The following MACROD2 variants were observed in gnomAD, a reference collection of about 807,000 sequenced individuals.
MACROD2 encodes the protein ADP-ribose glycohydrolase MACROD2.
Under a neutral mutation model 70.4 loss-of-function variants are expected in MACROD2, and 36 were observed. That is an observed-to-expected ratio of 0.51 (90% CI 0.39 to 0.68). MACROD2 has a LOEUF of 0.68. Ranked by LOEUF, MACROD2 falls within the 30% of genes least tolerant of loss-of-function variation. The probability of loss-of-function intolerance (pLI) is 0.00; values close to 1 mark genes in which losing one functional copy is unlikely to be tolerated. For synonymous variants in MACROD2, 172 were observed against 178.8 expected (o/e 0.96, Z 0.30); for missense variants, 496 against 538.4 (o/e 0.92, Z 0.78).
At chr20:14,417,867 A>G (rs2083828830) in intron 3 of MACROD2, among the ~76,000 whole-genome samples, 1 of 152,230 alleles carries the variant, frequency 6.6e-6, no homozygotes, top group East Asian at 1.9e-4. Flanking sequence ...AATACATTGT[A>G]TGGTAACACT....
chr20:15,383,510 A>G (rs575415827), intron 6 of MACROD2, among the ~76,000 whole-genome samples: 90 of 152,332 alleles, frequency 5.9e-4, no homozygotes, highest in Middle Eastern at 3.4e-3. Context: ...GCTTCCCAGT[A>G]GGAGTTTTAA....
chr20:14,610,824 G>A (rs756244621), intron 4 of MACROD2, among the ~76,000 whole-genome samples: 77 of 151,926 alleles, frequency 5.1e-4, no homozygotes, highest in Non-Finnish European at 7.2e-4. Flanking sequence ...GCAAATGTAA[G>A]GTATTTTTAT....
chr20:15,912,738 C>A (rs6080020), intron 10 of MACROD2, among the ~76,000 whole-genome samples: 4 of 151,692 alleles, frequency 2.6e-5, no homozygotes, highest in African/African-American at 9.7e-5. Context: ...TTGTTGGAAC[C>A]GAGAATAAAA....
chr20:16,019,308 C>T (rs77815126), intron 15 of MACROD2, among the ~76,000 whole-genome samples: 1,720 of 152,120 alleles, frequency 0.011, 29 homozygotes, highest in African/African-American at 0.039. Flanking sequence ...GACAACTAGC[C>T]GGGTTTGCAT....
At chr20:14,515,572 T>C (rs1285816472) in intron 4 of MACROD2, among the ~76,000 whole-genome samples, 5 of 151,684 alleles carry the variant, frequency 3.3e-5, no homozygotes, top group Admixed American at 3.3e-4. Context: ...CCTGGAACAT[T>C]ATGACATTAT....
intron 5 of MACROD2, among the ~76,000 whole-genome samples, chr20:15,008,694 T>C (rs1165232321): frequency 6.6e-6 from 1 of 152,160 alleles, no homozygotes; most frequent in African/African-American, 2.4e-5. Context: ...ACCACAGACA[T>C]GTAGTTTACG....
rs1249290052 is a variant in MACROD2 at position 15,648,747 on chromosome 20, A to G, written c.645+148900A>G. The stretch of plus-strand genomic sequence containing the variant: ...GATGGATGGATGGATGGATGGATGG[A>G]TGGGTGAAAGAGTGACTCTTATTAA... On this transcript the variant is annotated intron_variant, in intron 8 of 17. Transcript: ENST00000684519. 2.0e-5 allele frequency among the ~76,000 whole-genome samples: 3 copies of G among 151,938 alleles called. No homozygotes were observed. The East Asian group carries it at 5.8e-4, about 29-fold the overall frequency.
At chr20:15,655,334 T>A (rs2049713157) in intron 8 of MACROD2, among the ~76,000 whole-genome samples, 1 of 119,108 alleles carries the variant, frequency 8.4e-6, no homozygotes, top group African/African-American at 3.3e-5. Context: ...TTTTTTTTTT[T>A]AACATTCTCT....
At chr20:14,520,832 C>T (rs1319781899) in intron 4 of MACROD2, among the ~76,000 whole-genome samples, 1 of 152,040 alleles carries the variant, frequency 6.6e-6, no homozygotes, top group Non-Finnish European at 1.5e-5. Context: ...TGGGATCAGT[C>T]CCTGCTCTAC....
intron 4 of MACROD2, among the ~76,000 whole-genome samples, chr20:14,631,588 G>A (rs1018134381): frequency 6.6e-6 from 1 of 152,092 alleles, no homozygotes; most frequent in African/African-American, 2.4e-5. Flanking sequence ...GGCTAACACC[G>A]TGAAACCCCG....
At chr20:15,160,536 CATTT>C (rs1326278148) in intron 5 of MACROD2, among the ~76,000 whole-genome samples, 1 of 152,042 alleles carries the variant, frequency 6.6e-6, no homozygotes, top group Admixed American at 6.6e-5. Context: ...ACCTATGAAT[CATTT>C]ATTTATTCAA....
At chr20:15,641,076 G>C (rs1052690889) in intron 8 of MACROD2, among the ~76,000 whole-genome samples, 4 of 152,202 alleles carry the variant, frequency 2.6e-5, no homozygotes. Context: ...AGCCAGAGCA[G>C]GTATATTGAA....
intron 6 of MACROD2, among the ~76,000 whole-genome samples, chr20:15,235,994 G>T (rs2077010608): frequency 6.6e-6 from 1 of 152,122 alleles, no homozygotes; most frequent in Non-Finnish European, 1.5e-5. Context: ...CCCTGGTTGG[G>T]TTTCTAACAG....
chr20:14,356,453 G>T (rs2083172681), intron 3 of MACROD2, among the ~76,000 whole-genome samples: 1 of 151,314 alleles, frequency 6.6e-6, no homozygotes, highest in South Asian at 2.1e-4. Flanking sequence ...TGCTCCACAG[G>T]GCATCAACTG....
chr20:14,424,108 G>A (rs1426294640), intron 3 of MACROD2, among the ~76,000 whole-genome samples: 1 of 151,988 alleles, frequency 6.6e-6, no homozygotes, highest in Non-Finnish European at 1.5e-5. Context: ...GTCCCTTTAA[G>A]GTATACTTAT....
intron 5 of MACROD2, among the ~76,000 whole-genome samples, chr20:15,193,433 A>G (rs1381408633): frequency 6.6e-6 from 1 of 152,120 alleles, no homozygotes; most frequent in Non-Finnish European, 1.5e-5. Context: ...ACGTGAGGCC[A>G]GGAGTTTGAG....
intron 4 of MACROD2, among the ~76,000 whole-genome samples, chr20:14,683,709 A>AAAT (rs954477531): frequency 4.6e-5 from 7 of 152,140 alleles, no homozygotes; most frequent in African/African-American, 1.7e-4. Context: ...GCTTCGTCTT[A>AAAT]AATAATAATA....
intron 4 of MACROD2, chr20:14,547,331 C>A: frequency 4.2e-6 from 1 of 240,206 alleles, no homozygotes. Context: ...TCCCCATAAA[C>A]AAAGTCCATC....
chr20:14,230,746 A>G (rs1397249801), intron 3 of MACROD2, among the ~76,000 whole-genome samples: 1 of 142,766 alleles, frequency 7.0e-6, no homozygotes, highest in Non-Finnish European at 1.5e-5. Flanking sequence ...CAAATCATGA[A>G]TGTTCTTAAT....
Sources: gnomAD v4.1 joint callset for allele counts (sites outside exome capture counted in the v4.1 genomes callset) on GRCh38, gnomAD v4.1.1 for gene constraint, MANE v1.5 for transcripts, NCBI Gene and HGNC (gene_info 2026-07-23, HGNC 2026-07-21) for gene names.